AGBL1: variants seen among roughly 807,000 people sequenced by gnomAD.
AGBL1 encodes the protein cytosolic carboxypeptidase 4.
A neutral mutation model predicts 118.9 loss-of-function variants in AGBL1; 130 were observed. That is an observed-to-expected ratio of 1.09 (90% CI 0.95 to 1.26). The LOEUF is 1.26. AGBL1 is among the 50% of genes most tolerant of loss of function. AGBL1 has a pLI of 0.00. For synonymous variants in AGBL1, 555 were observed against 478.9 expected (o/e 1.16, Z -2.08); for missense variants, 1,584 against 1,298.1 (o/e 1.22, Z -3.38).
chr15:86,364,649 T>C (rs994236689), intron 17 of AGBL1, among the ~76,000 whole-genome samples: 2 of 152,162 alleles, frequency 1.3e-5, no homozygotes, highest in African/African-American at 4.8e-5. Context: ...CTTTGTAATA[T>C]TGATATACAA....
chr15:86,633,882 A>G (rs1346415593), intron 21 of AGBL1, among the ~76,000 whole-genome samples: 9 of 36,068 alleles, frequency 2.5e-4, no homozygotes, highest in South Asian at 1.8e-3. Flanking sequence ...TATAATGTAT[A>G]TATATATATA....
At position 86,169,884 on chromosome 15, in the gene AGBL1, A is replaced by G. The variant is rs141519168; in HGVS notation, c.488+10858A>G. Among the ~76,000 whole-genome samples, 559 of 152,344 alleles carry G rather than the reference A, an allele frequency of 3.7e-3. 2 individuals carry two copies. Among genetic ancestry groups the G allele is most frequent in the African/African-American group, 7.0e-3 (290 of 41,574 alleles). ...TATTAAAAGCAAAACCTTGAATCAT[A>G]GAACTACTTCCAAGTAAATTAGCTG... On this transcript the variant is annotated intron_variant, in intron 5 of 22. Coordinates refer to ENST00000614907, the MANE Select transcript of AGBL1 (RefSeq NM_001386094.1).
chr15:86,461,113 C>T (rs1447474449), intron 18 of AGBL1, among the ~76,000 whole-genome samples: 3 of 152,152 alleles, frequency 2.0e-5, no homozygotes. Context: ...ACAAACCACC[C>T]TGGGTGATTC....
intron 21 of AGBL1, among the ~76,000 whole-genome samples, chr15:86,608,224 A>T (rs2084607329): frequency 6.6e-6 from 1 of 152,184 alleles, no homozygotes; most frequent in African/African-American, 2.4e-5. Context: ...GAAACACCAG[A>T]AATATCACTA....
At chr15:86,864,911 C>T (rs561267845) in intron 22 of AGBL1, among the ~76,000 whole-genome samples, 2 of 152,270 alleles carry the variant, frequency 1.3e-5, no homozygotes, top group South Asian at 4.2e-4. Context: ...ACCCTAAACT[C>T]TCTCCATATT....
At chr15:86,397,123 A>G (rs551620764) in intron 17 of AGBL1, among the ~76,000 whole-genome samples, 2 of 151,878 alleles carry the variant, frequency 1.3e-5, no homozygotes, top group East Asian at 3.9e-4. Flanking sequence ...TGTGAAAATC[A>G]GTTTGTATCT....
chr15:86,700,052 C>A (rs1172136490), intron 22 of AGBL1, among the ~76,000 whole-genome samples: 1 of 151,932 alleles, frequency 6.6e-6, no homozygotes, highest in Non-Finnish European at 1.5e-5. Context: ...CCTCTTCTCC[C>A]CATTTCATTA....
chr15:86,089,368 G>A (rs1369137307), intron 1 of AGBL1, among the ~76,000 whole-genome samples: 1 of 152,174 alleles, frequency 6.6e-6, no homozygotes, highest in East Asian at 1.9e-4. Flanking sequence ...GCATTGACAT[G>A]AATTCTGGTC....
chr15:86,434,849 G>A (rs2081981511), intron 18 of AGBL1, among the ~76,000 whole-genome samples: 1 of 152,182 alleles, frequency 6.6e-6, no homozygotes, highest in African/African-American at 2.4e-5. Context: ...CTCAGAAGAG[G>A]TTTATAGTCC....
intron 21 of AGBL1, among the ~76,000 whole-genome samples, chr15:86,588,363 C>T (rs1308653056): frequency 6.6e-6 from 1 of 152,162 alleles, no homozygotes; most frequent in Non-Finnish European, 1.5e-5. Flanking sequence ...AGGATTCAGC[C>T]AGTAGTAATT....
chr15:86,355,438 T>G (rs2080698098), intron 17 of AGBL1, among the ~76,000 whole-genome samples: 1 of 152,160 alleles, frequency 6.6e-6, no homozygotes. Context: ...ATTTTAAACT[T>G]CTTCCATGAT....
chr15:86,364,911 T>C (rs1429313002), intron 17 of AGBL1, among the ~76,000 whole-genome samples: 1 of 148,396 alleles, frequency 6.7e-6, no homozygotes, highest in Admixed American at 6.8e-5. Context: ...ACTTCTTGCA[T>C]TAGTGTTTAG....
chr15:86,079,948 C>T lies in AGBL1; in HGVS notation c.-25C>T, dbSNP rs1422219475. The T allele has an allele frequency of 8.9e-6, 11 of 1,231,646 alleles. No homozygotes were observed. Among genetic ancestry groups the T allele is most frequent in the Admixed American group, 4.2e-5 (1 of 23,708 alleles). 76.3% of individuals were successfully genotyped at this position (1,231,646 alleles called of 1,614,324 possible). A position where few individuals can be genotyped will look rare whatever the true frequency, so the allele number is the denominator to read the frequency against. On this transcript the variant is annotated 5_prime_UTR_variant, in exon 1 of 23. Coordinates refer to ENST00000614907, the MANE Select transcript of AGBL1 (RefSeq NM_001386094.1). ...CCAGCCTGGATCTGGCCGCAGGCAG[C>T]GGTTCCCTAGGACCCGAGAAAAGGA...
chr15:86,404,880 C>T (rs1414988971), intron 18 of AGBL1, among the ~76,000 whole-genome samples: 1 of 152,106 alleles, frequency 6.6e-6, no homozygotes, highest in African/African-American at 2.4e-5. Context: ...GTTAGTTATT[C>T]CCACTGTTAA....
intron 17 of AGBL1, among the ~76,000 whole-genome samples, chr15:86,339,493 A>G (rs1302384123): frequency 3.3e-5 from 5 of 151,956 alleles, no homozygotes; most frequent in Admixed American, 6.6e-5. Flanking sequence ...TCGATCTTCT[A>G]TTTTGTCTCA....
intron 22 of AGBL1, among the ~76,000 whole-genome samples, chr15:86,683,911 G>C (rs985728835): frequency 6.6e-6 from 1 of 152,100 alleles, no homozygotes; most frequent in Non-Finnish European, 1.5e-5. Context: ...CATCATTACC[G>C]CTTTCTCTTC....
intron 21 of AGBL1, among the ~76,000 whole-genome samples, chr15:86,561,838 G>A (rs2083826667): frequency 6.6e-6 from 1 of 152,068 alleles, no homozygotes; most frequent in Non-Finnish European, 1.5e-5. Flanking sequence ...ATTGAGCAGT[G>A]GTTTGTAGTT....
intron 23 of AGBL1, among the ~76,000 whole-genome samples, chr15:86,965,005 C>A (rs1179865991): frequency 2.0e-5 from 3 of 152,098 alleles, no homozygotes; most frequent in Admixed American, 1.3e-4. Flanking sequence ...TGTATATGTG[C>A]CACATTTTCT....
chr15:86,964,500 T>C (rs966930423), intron 23 of AGBL1, among the ~76,000 whole-genome samples: 1 of 151,958 alleles, frequency 6.6e-6, no homozygotes, highest in Admixed American at 6.6e-5. Flanking sequence ...CTATTAATAG[T>C]AGGTCCGTAG....
Sources: allele counts gnomAD v4.1 joint callset (sites outside exome capture counted in the v4.1 genomes callset), GRCh38; gene constraint gnomAD v4.1.1; transcripts MANE v1.5; gene names NCBI Gene and HGNC (gene_info 2026-07-23, HGNC 2026-07-21).